Variants in AK5 observed in about 807,000 individuals in gnomAD.
AK5 encodes adenylate kinase 5, also known as adenylate kinase isoenzyme 5.
Under a neutral mutation model 69.5 loss-of-function variants are expected in AK5, and 27 were observed. The observed-to-expected ratio is 0.39, with a 90% CI of 0.29 to 0.54. The LOEUF is 0.54. Ranked by LOEUF, AK5 falls within the 20% of genes least tolerant of loss-of-function variation. The probability of loss-of-function intolerance (pLI) is 0.71; values close to 1 mark genes in which losing one functional copy is unlikely to be tolerated. For synonymous variants in AK5, 260 were observed against 244.4 expected, an observed-to-expected ratio of 1.06 and a Z score of -0.60; for missense variants, 531 against 700.4, an observed-to-expected ratio of 0.76 and a Z score of 2.73.
intron 6 of AK5, among the ~76,000 whole-genome samples, chr1:77,408,422 A>C (rs1649805511): frequency 6.6e-6 from 1 of 152,038 alleles, no homozygotes; most frequent in African/African-American, 2.4e-5. Flanking sequence ...GGCCACTTGT[A>C]AGTCTTTTTT....
intron 8 of AK5, among the ~76,000 whole-genome samples, chr1:77,461,363 A>G (rs1167933837): frequency 2.6e-5 from 4 of 151,864 alleles, no homozygotes; most frequent in Admixed American, 6.6e-5. Flanking sequence ...AGTTGATCTC[A>G]TAGAAATAGA....
intron 5 of AK5, among the ~76,000 whole-genome samples, chr1:77,303,892 A>G (rs569747330): frequency 6.6e-4 from 100 of 152,280 alleles, no homozygotes; most frequent in African/African-American, 2.3e-3. Context: ...CATAGTAGGT[A>G]TATATATTTA....
intron 6 of AK5, among the ~76,000 whole-genome samples, chr1:77,373,797 A>G (rs989797977): frequency 1.3e-5 from 2 of 152,078 alleles, no homozygotes; most frequent in Non-Finnish European, 2.9e-5. Context: ...TCTAATTGTG[A>G]GATCATTATT....
chr1:77,367,891 G>GTTATATATATTATATATCACATA (rs1647024662), intron 6 of AK5, among the ~76,000 whole-genome samples: 1 of 7,486 alleles, frequency 1.3e-4, no homozygotes, highest in African/African-American at 3.5e-4. Flanking sequence ...TAAAATATAT[G>GTTATATATATTATATATCACATA]TGATATATAT....
At chr1:77,369,501 A>C (rs961731637) in intron 6 of AK5, among the ~76,000 whole-genome samples, 2 of 152,176 alleles carry the variant, frequency 1.3e-5, no homozygotes, top group African/African-American at 4.8e-5. Flanking sequence ...GGCTTTCCCA[A>C]ATTATTCATA....
At chr1:77,302,013 G>A (rs1481212652) in intron 5 of AK5, among the ~76,000 whole-genome samples, 1 of 151,630 alleles carries the variant, frequency 6.6e-6, no homozygotes, top group Non-Finnish European at 1.5e-5. Flanking sequence ...GAGTGCAGGG[G>A]CACCACTGTA....
chr1:77,453,029 A>C (rs1489081592), intron 8 of AK5, among the ~76,000 whole-genome samples: 9 of 152,250 alleles, frequency 5.9e-5, no homozygotes, highest in Non-Finnish European at 1.3e-4. Context: ...TATAACAAAC[A>C]TCATTTATCC....
chr1:77,502,527 T>C (rs1656776989), intron 10 of AK5, among the ~76,000 whole-genome samples: 1 of 152,206 alleles, frequency 6.6e-6, no homozygotes, highest in Non-Finnish European at 1.5e-5. Flanking sequence ...TTTAATTTTT[T>C]ACAAAGAAGG....
At chr1:77,352,363 A>G (rs1662256253) in intron 6 of AK5, among the ~76,000 whole-genome samples, 1 of 152,240 alleles carries the variant, frequency 6.6e-6, no homozygotes, top group Non-Finnish European at 1.5e-5. Context: ...AGTGTTTTAA[A>G]ATTAATGAAA....
chr1:77,381,961 C>T (rs946646916), intron 6 of AK5, among the ~76,000 whole-genome samples: 9 of 152,148 alleles, frequency 5.9e-5, no homozygotes, highest in African/African-American at 1.7e-4. Context: ...CCTCCTCCGC[C>T]ATGCACATGC....
At chr1:77,464,135 A>T (rs1654003573) in intron 8 of AK5, among the ~76,000 whole-genome samples, 1 of 152,254 alleles carries the variant, frequency 6.6e-6, no homozygotes. Context: ...TCCCACAGCC[A>T]TGAAAATTCA....
chr1:77,556,231 A>T (rs138737856), intron 13 of AK5, among the ~76,000 whole-genome samples: 47 of 152,282 alleles, frequency 3.1e-4, no homozygotes, highest in Admixed American at 2.2e-3. Context: ...CACCCTCCCC[A>T]TATGTCTCCC....
intron 5 of AK5, among the ~76,000 whole-genome samples, chr1:77,331,096 TG>T (rs1326185799): frequency 6.6e-6 from 1 of 152,076 alleles, no homozygotes; most frequent in Non-Finnish European, 1.5e-5. Context: ...ATGCAGACCA[TG>T]CTAAATTTGC....
At chr1:77,531,113 C>T (rs938051417) in intron 12 of AK5, among the ~76,000 whole-genome samples, 9 of 152,170 alleles carry the variant, frequency 5.9e-5, no homozygotes, top group Non-Finnish European at 1.0e-4. Context: ...GCAGCGTGTC[C>T]GGAGTTTGTT....
intron 13 of AK5, among the ~76,000 whole-genome samples, chr1:77,545,375 C>G (rs1437921297): frequency 6.6e-6 from 1 of 152,204 alleles, no homozygotes; most frequent in Admixed American, 6.5e-5. Context: ...AAGCTGTACG[C>G]ATTTCTGTGA....
intron 13 of AK5, among the ~76,000 whole-genome samples, chr1:77,556,350 A>G (rs1660103456): frequency 6.6e-6 from 1 of 152,164 alleles, no homozygotes; most frequent in African/African-American, 2.4e-5. Context: ...TGGATCCCTA[A>G]CCAATATAGC....
chr1:77,433,432 G>T (rs150857876), intron 8 of AK5, among the ~76,000 whole-genome samples: 2 of 149,996 alleles, frequency 1.3e-5, no homozygotes, highest in East Asian at 3.9e-4. Flanking sequence ...AGGGTAGGAA[G>T]CCAAACCAAA....
At chr1:77,437,798 C>T (rs917535706) in intron 8 of AK5, among the ~76,000 whole-genome samples, 1 of 151,232 alleles carries the variant, frequency 6.6e-6, no homozygotes, top group Non-Finnish European at 1.5e-5. Flanking sequence ...TTTTTTTTTC[C>T]CCTCAGCTTT....
At chr1:77,421,039 C>T (rs1331501580) in intron 8 of AK5, among the ~76,000 whole-genome samples, 1 of 152,114 alleles carries the variant, frequency 6.6e-6, no homozygotes, top group Non-Finnish European at 1.5e-5. Context: ...TTTATTTCCA[C>T]CATTTAAAAA....
Sources: gnomAD v4.1 joint callset for allele counts (sites outside exome capture counted in the v4.1 genomes callset) on GRCh38, gnomAD v4.1.1 for gene constraint, MANE v1.5 for transcripts, NCBI Gene and HGNC (gene_info 2026-07-23, HGNC 2026-07-21) for gene names.